CHMP6: variants seen among roughly 807,000 people sequenced by gnomAD.
CHMP6 encodes charged multivesicular body protein 6.
A neutral mutation model predicts 32.8 loss-of-function variants in CHMP6; 10 were observed. That is an observed-to-expected ratio of 0.30 (90% CI 0.19 to 0.52). The LOEUF (loss-of-function observed/expected upper bound fraction) is 0.52, where lower values mean the gene tolerates loss of function less well. Ranked by LOEUF, CHMP6 falls within the 20% of genes least tolerant of loss-of-function variation. The pLI is 0.97. For synonymous variants in CHMP6, 123 were observed against 105.8 expected (o/e 1.16, Z -1.00); for missense variants, 269 against 263.8 (o/e 1.02, Z -0.14).
chr17:80,995,633 G>A, intron 3 of CHMP6, 39 bp from the exon 4 acceptor site: 1 of 1,595,258 alleles, frequency 6.3e-7, no homozygotes, highest in South Asian at 1.1e-5. Context: ...GGGCACCCCG[G>A]ATCCTCAGCA....
rs767917939 is a variant in CHMP6 at position 80,999,079 on chromosome 17, ATC to A, written c.551-15_551-14del. On this transcript the variant is annotated splice_polypyrimidine_tract_variant and intron_variant, in intron 7 of 7. Coordinates refer to ENST00000325167, the MANE Select transcript of CHMP6 (RefSeq NM_024591.5). ...TGTGGGTCTTTGGCGTGTCATAAACATCTCTGTTTCCTCCACAGAAAACGTCC... is the reference window on the plus strand; with the variant it reads ...TGTGGGTCTTTGGCGTGTCATAAACATCTGTTTCCTCCACAGAAAACGTCC... 9.9e-6 allele frequency: 16 copies of A among 1,613,466 alleles called. No individual in the cohort carries two copies. The highest frequency in any genetic ancestry group is 2.7e-5 in the African/African-American group (2 of 74,880).
chr17:80,992,213 C>T (rs996172035), intron 1 of CHMP6, among the ~76,000 whole-genome samples: 1 of 151,500 alleles, frequency 6.6e-6, no homozygotes, highest in Non-Finnish European at 1.5e-5. Context: ...TCCCCGGGGC[C>T]CGCGCGTCCG....
intron 1 of CHMP6, among the ~76,000 whole-genome samples, 179 bp downstream of exon 1, chr17:80,992,160 G>A (rs2069597834): frequency 6.6e-6 from 1 of 151,380 alleles, no homozygotes; most frequent in African/African-American, 2.4e-5. Flanking sequence ...CGCCCGCGGG[G>A]CCTCGGGCCG....
In CHMP6 at chr17:80,999,531, C is replaced by T. The variant is rs894504822; in HGVS notation, c.*378C>T. ...ACACCTCCAGACCTTGGGGTCCCCG[C>T]GCTTCCTCTTGCTCCTCGCTGCTCC... On this transcript the variant is annotated 3_prime_UTR_variant, in exon 8 of 8. Transcript: ENST00000325167. 12 of 216,536 alleles carry T rather than the reference C, an allele frequency of 5.5e-5. No individual in the cohort carries two copies. The highest frequency in any genetic ancestry group is 1.5e-4 in the South Asian group (2 of 13,190). 13.4% of individuals were successfully genotyped at this position (216,536 alleles called of 1,614,324 possible). A position where few individuals can be genotyped will look rare whatever the true frequency, so the allele number is the denominator to read the frequency against.
At chr17:80,995,538 A>G (rs576057020) in intron 3 of CHMP6, 134 bp from the exon 4 acceptor site, 29 of 693,998 alleles carry the variant, frequency 4.2e-5, no homozygotes, top group Non-Finnish European at 6.6e-5. Context: ...GACAGGGAGG[A>G]GCAGGTGTCA....
rs1386160354 is a variant in CHMP6, at chr17:80,991,960, G to C, written c.42G>C (p.Thr14=). The C allele has an allele frequency of 6.8e-7, 1 of 1,462,162 alleles. No individual in the cohort carries two copies. The highest frequency in any genetic ancestry group is 1.5e-5 in the African/African-American group (1 of 68,052). 90.6% of individuals were successfully genotyped at this position (1,462,162 alleles called of 1,614,324 possible). Residue 14 remains threonine (T), a synonymous_variant, in exon 1 of 8, where the codon ACG becomes ACC. Transcript: ENST00000325167. ...LFGRKKQSRV[T]EQDKAILQLK... ...GCCGCAAGAAGCAGAGCCGCGTCAC[G>C]GAGCAGGACAAGGCCATCCTGGTGA...
chr17:80,995,577 G>A (rs574088952), intron 3 of CHMP6, 95 bp from the exon 4 acceptor site: 12 of 1,050,794 alleles, frequency 1.1e-5, no homozygotes, highest in Admixed American at 5.5e-5. Flanking sequence ...AGCAGCACCC[G>A]CCCAGCAAGG....
chr17:80,998,854 TCTC>T (rs754681576), intron 7 of CHMP6, among the ~76,000 whole-genome samples: 83 of 152,278 alleles, frequency 5.5e-4, no homozygotes, highest in African/African-American at 1.7e-3. Context: ...TTGGGGCTCT[TCTC>T]CTCTCTGAGT....
At chr17:80,993,988 C>G (rs1343236648) in intron 1 of CHMP6, among the ~76,000 whole-genome samples, 1 of 152,184 alleles carries the variant, frequency 6.6e-6, no homozygotes, top group African/African-American at 2.4e-5. Context: ...TCTCGGCTCA[C>G]TGCAAGCTCT....
intron 6 of CHMP6, among the ~76,000 whole-genome samples, chr17:80,997,983 C>T (rs1170003296): frequency 1.3e-5 from 2 of 152,246 alleles, no homozygotes; most frequent in African/African-American, 4.8e-5. Flanking sequence ...CAGCCAAGCT[C>T]GCTGGGACAG....
Position 80,999,694 on chromosome 17 carries a change from C to T in CHMP6, c.*541C>T, listed in dbSNP as rs542146930. The T allele has an allele frequency of 3.6e-4, 55 of 153,104 alleles. No individual in the cohort carries two copies. The highest frequency in any genetic ancestry group is 7.0e-4 in the Non-Finnish European group (48 of 68,694). The allele number at this position is 153,104 out of a possible 1,614,324, so 9.5% of individuals were successfully genotyped here. On this transcript the variant is annotated 3_prime_UTR_variant, in exon 8 of 8. Transcript: ENST00000325167. ...CTCTCTGTGCCTCTGCCTCCGCACC[C>T]TAGACACCCACCTCCAGTTTGAAGG... is the stretch of plus-strand genomic sequence containing the variant.
intron 1 of CHMP6, 145 bp downstream of exon 1, chr17:80,992,126 G>T: frequency 2.1e-6 from 1 of 485,758 alleles, no homozygotes. Flanking sequence ...GGGCCCCTCG[G>T]TCTCTCCGCC....
At chr17:80,992,420 C>T (rs745482232) in intron 1 of CHMP6, among the ~76,000 whole-genome samples, 2 of 152,218 alleles carry the variant, frequency 1.3e-5, no homozygotes, top group Non-Finnish European at 2.9e-5. Flanking sequence ...GCTCATTTGC[C>T]TCCTGGTGCC....
At position 80,996,136 on chromosome 17, in the gene CHMP6, A is replaced by G. The variant is rs568112199; in HGVS notation, c.348+378A>G. ...GGAGTTCGAGACCAGCCTGGCCAAC[A>G]TGGTGAAACCCTGTCTCTACTAATA... On this transcript the variant is annotated intron_variant, in intron 4 of 7. Transcript: ENST00000325167. Among the ~76,000 whole-genome samples the G allele has an allele frequency of 2.9e-3, 448 of 152,270 alleles. 1 individual carries two copies. The highest frequency in any genetic ancestry group is 5.1e-3 in the Non-Finnish European group (346 of 68,018).
intron 1 of CHMP6, among the ~76,000 whole-genome samples, chr17:80,994,073 G>A (rs147074813): frequency 0.027 from 4,103 of 152,202 alleles, 192 homozygotes; most frequent in African/African-American, 0.091. Flanking sequence ...CACCACACCC[G>A]GCTAATATTT....
At chr17:80,999,062 T>C in intron 7 of CHMP6, 36 bp from the exon 8 acceptor site, 1 of 1,613,018 alleles carries the variant, frequency 6.2e-7, no homozygotes, top group Non-Finnish European at 8.5e-7. Flanking sequence ...CCTGTGGGTC[T>C]TTGGCGTGTC....
intron 1 of CHMP6, 152 bp from the exon 2 acceptor site, chr17:80,994,429 G>C: frequency 1.7e-6 from 1 of 572,250 alleles, no homozygotes; most frequent in Non-Finnish European, 3.0e-6. Context: ...CCCCAGACGT[G>C]TCCAGACAGC....
At chr17:80,996,682 C>T (rs1489664975) in intron 4 of CHMP6, among the ~76,000 whole-genome samples, 2 of 152,188 alleles carry the variant, frequency 1.3e-5, no homozygotes, top group African/African-American at 4.8e-5. Context: ...GGGCATCGGG[C>T]GCCAGGGCAG....
chr17:80,998,454 A>C, intron 7 of CHMP6, 34 bp downstream of exon 7: 1 of 1,614,040 alleles, frequency 6.2e-7, no homozygotes, highest in Non-Finnish European at 8.5e-7. Context: ...GAATGGTTGG[A>C]ATTCGCAGGA....
Sources: allele counts gnomAD v4.1 joint callset (sites outside exome capture counted in the v4.1 genomes callset), GRCh38; gene constraint gnomAD v4.1.1; transcripts MANE v1.5; gene names NCBI Gene and HGNC (gene_info 2026-07-23, HGNC 2026-07-21).